The following ST7 variants were observed in gnomAD, a reference collection of about 807,000 sequenced individuals.
ST7 encodes the protein suppression of tumorigenicity 7.
In ST7, 28 loss-of-function variants were observed where a neutral mutation model predicts 78.7. The observed-to-expected ratio is 0.36, with a 90% CI of 0.26 to 0.49. The LOEUF is 0.49. Ranked by LOEUF, ST7 falls within the 20% of genes least tolerant of loss-of-function variation. The probability of loss-of-function intolerance (pLI) is 0.99; values close to 1 mark genes in which losing one functional copy is unlikely to be tolerated. For synonymous variants in ST7, 247 were observed against 249.6 expected (o/e 0.99, Z 0.10); for missense variants, 418 against 696.0 (o/e 0.60, Z 4.49).
chr7:117,089,625 G>T (rs1360943200), intron 1 of ST7, among the ~76,000 whole-genome samples: 1 of 149,418 alleles, frequency 6.7e-6, no homozygotes, highest in East Asian at 2.0e-4. Context: ...AGGCTGGAGT[G>T]CAATGGCGCG....
chr7:117,047,589 G>A (rs1797556471), intron 1 of ST7, among the ~76,000 whole-genome samples: 1 of 152,116 alleles, frequency 6.6e-6, no homozygotes, highest in Non-Finnish European at 1.5e-5. Flanking sequence ...TTTATACTCT[G>A]TGCATTGTTA....
At chr7:117,095,487 T>G (rs531708994) in intron 1 of ST7, among the ~76,000 whole-genome samples, 2 of 152,328 alleles carry the variant, frequency 1.3e-5, no homozygotes, top group East Asian at 3.9e-4. Flanking sequence ...CATTTACTGA[T>G]TAATTAAATG....
chr7:117,145,328 T>G (rs1394852711), intron 9 of ST7: 2 of 152,162 alleles, frequency 1.3e-5, no homozygotes, highest in Non-Finnish European at 2.9e-5. Flanking sequence ...GCATATTAGT[T>G]TCCTGGAACT....
intron 9 of ST7, among the ~76,000 whole-genome samples, chr7:117,149,995 A>G (rs1806125329): frequency 6.6e-6 from 1 of 151,952 alleles, no homozygotes; most frequent in South Asian, 2.1e-4. Context: ...TTCCTTGTGG[A>G]CTATACACCT....
intron 1 of ST7, among the ~76,000 whole-genome samples, chr7:116,996,082 GTT>G (rs71148355): frequency 2.3e-5 from 3 of 130,270 alleles, no homozygotes; most frequent in Non-Finnish European, 1.6e-5. Flanking sequence ...CAGATTCCCC[GTT>G]TTTTTTTTTT....
At chr7:117,072,286 C>T (rs1799015124) in intron 1 of ST7, 1 of 152,222 alleles carries the variant, frequency 6.6e-6, no homozygotes, top group Non-Finnish European at 1.5e-5. Flanking sequence ...TTCAGCCCTT[C>T]CTCTCCACTC....
chr7:116,974,645 C>T (rs996737974), intron 1 of ST7, among the ~76,000 whole-genome samples: 24 of 152,172 alleles, frequency 1.6e-4, no homozygotes, highest in African/African-American at 4.1e-4. Flanking sequence ...TTACTTTGTT[C>T]GGAAATTTTA....
At chr7:117,217,687 A>C (rs1328557222) in intron 13 of ST7, among the ~76,000 whole-genome samples, 1 of 152,166 alleles carries the variant, frequency 6.6e-6, no homozygotes, top group Non-Finnish European at 1.5e-5. Flanking sequence ...AGCAGAGTTA[A>C]AGTCTGGGGT....
At chr7:117,131,312 G>A (rs544753902) in intron 5 of ST7, among the ~76,000 whole-genome samples, 1 of 151,966 alleles carries the variant, frequency 6.6e-6, no homozygotes, top group South Asian at 2.1e-4. Flanking sequence ...TCATGGTACA[G>A]TAAATATTCC....
intron 1 of ST7, among the ~76,000 whole-genome samples, chr7:116,998,362 T>A (rs1293558276): frequency 6.6e-6 from 1 of 152,194 alleles, no homozygotes; most frequent in Non-Finnish European, 1.5e-5. Flanking sequence ...CAGCCCTGGT[T>A]CCTGCCTGCA....
At chr7:117,075,871 A>G (rs1799304106) in intron 1 of ST7, among the ~76,000 whole-genome samples, 1 of 152,168 alleles carries the variant, frequency 6.6e-6, no homozygotes, top group Non-Finnish European at 1.5e-5. Context: ...AAAAAAGTTG[A>G]AACTTATATT....
At chr7:117,173,075 T>TC (rs1466035672) in intron 10 of ST7, among the ~76,000 whole-genome samples, 2 of 152,194 alleles carry the variant, frequency 1.3e-5, no homozygotes, top group Non-Finnish European at 2.9e-5. Flanking sequence ...CGTCCCACCC[T>TC]CCACTGAAAC....
rs954658338 is a variant in ST7 at position 116,984,305 on chromosome 7, A to G, written c.151+30614A>G. 5.9e-5 allele frequency among the ~76,000 whole-genome samples: 9 copies of G among 152,320 alleles called. No individual in the cohort carries two copies. The Middle Eastern group carries it at 0.01, about 173-fold the overall frequency. ...AGAAATAAATTCCTTTTCTTTATAA[A>G]TTACCTAGTTTCAGGTATTCTATTA... On this transcript the variant is annotated intron_variant, in intron 1 of 15. Transcript: ENST00000323984.
chr7:116,982,215 TTTTTG>T (rs1206958317), intron 1 of ST7, among the ~76,000 whole-genome samples: 3 of 152,120 alleles, frequency 2.0e-5, no homozygotes, highest in African/African-American at 4.8e-5. Context: ...TTTTACTTCT[TTTTTG>T]TTTTGTTTTG....
At chr7:117,209,684 G>T in intron 12 of ST7, 103 bp from the exon 13 acceptor site, 1 of 1,334,220 alleles carries the variant, frequency 7.5e-7, no homozygotes. Context: ...TTAATGAAAT[G>T]CTTATAAGTG....
intron 10 of ST7, among the ~76,000 whole-genome samples, chr7:117,185,297 G>T (rs1809150470): frequency 6.6e-6 from 1 of 152,184 alleles, no homozygotes; most frequent in Non-Finnish European, 1.5e-5. Flanking sequence ...TGTCTGTGCT[G>T]TCGGTATCTG....
intron 1 of ST7, among the ~76,000 whole-genome samples, chr7:117,091,309 C>T (rs1338890581): frequency 6.6e-6 from 1 of 152,138 alleles, no homozygotes; most frequent in Non-Finnish European, 1.5e-5. Flanking sequence ...AAGAAGTGCT[C>T]GTGCTGTGCT....
chr7:117,041,965 C>T (rs556398958), intron 1 of ST7, among the ~76,000 whole-genome samples: 3 of 152,148 alleles, frequency 2.0e-5, no homozygotes, highest in South Asian at 2.1e-4. Context: ...CAGAGTAATG[C>T]GATATGAGAA....
intron 1 of ST7, among the ~76,000 whole-genome samples, chr7:117,095,233 G>A (rs773235213): frequency 6.6e-6 from 1 of 152,272 alleles, no homozygotes; most frequent in Non-Finnish European, 1.5e-5. Context: ...ACTGTCATGA[G>A]AGCCAGAACG....
Sources: gnomAD v4.1 joint callset for allele counts (sites outside exome capture counted in the v4.1 genomes callset) on GRCh38, gnomAD v4.1.1 for gene constraint, MANE v1.5 for transcripts, NCBI Gene and HGNC (gene_info 2026-07-23, HGNC 2026-07-21) for gene names.